Variants in CNOT6L observed in about 807,000 individuals in gnomAD.
CNOT6L encodes CCR4-NOT transcription complex subunit 6-like.
Under a neutral mutation model 64.0 loss-of-function variants are expected in CNOT6L, and 7 were observed. That is an observed-to-expected ratio of 0.11 (90% confidence interval 0.06 to 0.21). CNOT6L has a LOEUF of 0.21. Among genes scored for constraint, CNOT6L ranks in the 10% least tolerant of loss-of-function variants. CNOT6L has a pLI of 1.00. For missense variants in CNOT6L, 245 were observed against 669.0 expected, an observed-to-expected ratio of 0.37 and a Z score of 6.99; for synonymous variants, 193 against 243.4, an observed-to-expected ratio of 0.79 and a Z score of 1.93.
intron 7 of CNOT6L, among the ~76,000 whole-genome samples, chr4:77,742,854 C>T (rs1723742420): frequency 6.6e-6 from 1 of 151,978 alleles, no homozygotes; most frequent in Non-Finnish European, 1.5e-5. Context: ...TATTCTTTGA[C>T]TCATAAAATA....
At chr4:77,804,485 ATAT>A (rs1292322652) in intron 1 of CNOT6L, among the ~76,000 whole-genome samples, 2 of 152,216 alleles carry the variant, frequency 1.3e-5, no homozygotes, top group African/African-American at 4.8e-5. Context: ...AATCTTGAAA[ATAT>A]TATGCTAAGT....
chr4:77,755,871 ATATTTGTATGCAGTAG>A (rs1725508770), intron 5 of CNOT6L, among the ~76,000 whole-genome samples: 7 of 152,080 alleles, frequency 4.6e-5, no homozygotes, highest in Admixed American at 4.6e-4. Context: ...GCTAAGAAAA[ATATTTGTATGCAGTAG>A]TATCTCCATA....
In CNOT6L at chr4:77,773,176, A is replaced by T. The variant is rs1223419357; in HGVS notation, c.315-10T>A. ...ATTTAAAAGCAATTCCCTGTTTTAA[A>T]AAAAAAAAAAAAATTAGTTTAATAT... On this transcript the variant is annotated splice_polypyrimidine_tract_variant and intron_variant, in intron 3 of 11. Coordinates refer to ENST00000504123, the MANE Select transcript of CNOT6L (RefSeq NM_144571.3). 6.8e-7 allele frequency: 1 copy of T among 1,465,124 alleles called. No individual in the cohort carries two copies. Among genetic ancestry groups the T allele is most frequent in the Non-Finnish European group, 9.2e-7 (1 of 1,092,138 alleles). 90.8% of individuals were successfully genotyped at this position (1,465,124 alleles called of 1,614,324 possible).
chr4:77,818,975 T>C, intron 1 of CNOT6L: 2 of 664,482 alleles, frequency 3.0e-6, no homozygotes, highest in Admixed American at 2.1e-5. Flanking sequence ...AGCTCTCACC[T>C]GCGAGGCTCG....
intron 1 of CNOT6L, among the ~76,000 whole-genome samples, chr4:77,797,124 A>AAAAAAAC (rs1199636102): frequency 6.6e-6 from 1 of 151,102 alleles, no homozygotes; most frequent in East Asian, 1.9e-4. Context: ...AAAAAAAAAA[A>AAAAAAAC]AACTGCCAAG....
At chr4:77,771,726 ATTCT>A (rs1231453408) in intron 4 of CNOT6L, among the ~76,000 whole-genome samples, 1 of 152,210 alleles carries the variant, frequency 6.6e-6, no homozygotes, top group Non-Finnish European at 1.5e-5. Context: ...TAAAATCAGC[ATTCT>A]TTCTATTCTT....
At chr4:77,777,542 G>C (rs2110069446) in intron 1 of CNOT6L, among the ~76,000 whole-genome samples, 1 of 152,274 alleles carries the variant, frequency 6.6e-6, no homozygotes, top group South Asian at 2.1e-4. Context: ...CTTGGTACTA[G>C]ACAAAAAATA....
chr4:77,744,909 G>A, intron 6 of CNOT6L, 34 bp from the exon 7 acceptor site: 2 of 1,566,396 alleles, frequency 1.3e-6, no homozygotes, highest in Non-Finnish European at 1.7e-6. Flanking sequence ...CAGACAAACG[G>A]GAGAAAATTA....
chr4:77,789,973 A>T (rs1041322350), intron 1 of CNOT6L, among the ~76,000 whole-genome samples: 2 of 101,196 alleles, frequency 2.0e-5, no homozygotes, highest in African/African-American at 3.5e-5. Context: ...AAAAAAAAAA[A>T]AAAAAAATTC....
chr4:77,778,584 T>G (rs563068219), intron 1 of CNOT6L, among the ~76,000 whole-genome samples: 1 of 152,052 alleles, frequency 6.6e-6, no homozygotes, highest in Non-Finnish European at 1.5e-5. Context: ...GTTTGTATTT[T>G]TAGTAGAGAT....
At chr4:77,786,234 T>C (rs1729425388) in intron 1 of CNOT6L, among the ~76,000 whole-genome samples, 1 of 151,670 alleles carries the variant, frequency 6.6e-6, no homozygotes, top group Admixed American at 6.6e-5. Context: ...TGAGCCAGTA[T>C]TGCACCACTG....
Position 77,787,164 on chromosome 4 carries a change from G to A in CNOT6L, c.6-10772C>T, listed in dbSNP as rs572739602. Among the ~76,000 whole-genome samples, 14 of 152,244 alleles carry A rather than the reference G, an allele frequency of 9.2e-5. No homozygotes were observed. In the South Asian group the frequency reaches 2.9e-3, roughly 32 times the overall value. On this transcript the variant is annotated intron_variant, in intron 1 of 11. Coordinates refer to ENST00000504123, the MANE Select transcript of CNOT6L (RefSeq NM_144571.3). ...CACCTATAATCCAGCTACTCGGGAG[G>A]CTGAGGCAGGAGAATCGCTTGAACC...
chr4:77,771,307 GCAA>G (rs1452257455), intron 4 of CNOT6L, among the ~76,000 whole-genome samples: 1 of 152,038 alleles, frequency 6.6e-6, no homozygotes, highest in Non-Finnish European at 1.5e-5. Context: ...TCCAGCCTGG[GCAA>G]CAAAAGTGAA....
intron 4 of CNOT6L, among the ~76,000 whole-genome samples, chr4:77,772,705 G>A (rs983790876): frequency 1.1e-4 from 17 of 152,000 alleles, no homozygotes; most frequent in African/African-American, 2.7e-4. Context: ...GGCGGATCAC[G>A]AGGTCAGGAG....
chr4:77,768,618 CA>C (rs1458581158), intron 4 of CNOT6L, among the ~76,000 whole-genome samples: 1 of 150,582 alleles, frequency 6.6e-6, no homozygotes, highest in Non-Finnish European at 1.5e-5. Context: ...TCCTCCAATT[CA>C]ATAAGAAATC....
chr4:77,799,981 A>C (rs1731328306), intron 1 of CNOT6L, among the ~76,000 whole-genome samples: 1 of 152,148 alleles, frequency 6.6e-6, no homozygotes, highest in South Asian at 2.1e-4. Flanking sequence ...TGGCAAATCC[A>C]AGAATTGAGT....
At chr4:77,799,988 G>T (rs1415253487) in intron 1 of CNOT6L, among the ~76,000 whole-genome samples, 2 of 151,604 alleles carry the variant, frequency 1.3e-5, no homozygotes. Flanking sequence ...TCCAAGAATT[G>T]AGTATTTTTT....
chr4:77,742,461 G>A (rs556714726), intron 7 of CNOT6L, 166 bp from the exon 8 acceptor site: 1 of 723,480 alleles, frequency 1.4e-6, no homozygotes, highest in Admixed American at 2.2e-5. Context: ...CTTGACAATG[G>A]CAGCTTTTTA....
chr4:77,786,144 G>A (rs1016630341), intron 1 of CNOT6L, among the ~76,000 whole-genome samples: 1 of 152,030 alleles, frequency 6.6e-6, no homozygotes, highest in African/African-American at 2.4e-5. Flanking sequence ...AGCTGGGCAT[G>A]GTGGCGGACA....
Sources: allele counts gnomAD v4.1 joint callset (sites outside exome capture counted in the v4.1 genomes callset), GRCh38; gene constraint gnomAD v4.1.1; transcripts MANE v1.5; gene names NCBI Gene and HGNC (gene_info 2026-07-23, HGNC 2026-07-21).